PABPC4L: variants seen among roughly 807,000 people sequenced by gnomAD.
PABPC4L encodes the protein poly(A) binding protein cytoplasmic 4 like.
For missense variants in PABPC4L, 452 were observed against 451.4 expected, an observed-to-expected ratio of 1.00 and a Z score of -0.01; for synonymous variants, 169 against 164.1, an observed-to-expected ratio of 1.03 and a Z score of -0.23.
chr4:134,188,912 T>C, the PABPC4L span, among the ~76,000 whole-genome samples: 20 of 152,044 alleles, frequency 1.3e-4, no homozygotes, highest in Non-Finnish European at 7.4e-5. Flanking sequence ...TCTTTCTTCT[T>C]CATTTAATAT....
chr4:134,117,345 G>A, the PABPC4L span, among the ~76,000 whole-genome samples: 1 of 151,806 alleles, frequency 6.6e-6, no homozygotes, highest in African/African-American at 2.4e-5. Context: ...AGTACCTCAA[G>A]GAAGTCAAAA....
chr4:134,146,893 C>A, the PABPC4L span, among the ~76,000 whole-genome samples: 1 of 152,038 alleles, frequency 6.6e-6, no homozygotes, highest in African/African-American at 2.4e-5. Flanking sequence ...GTATCTGGAA[C>A]TGGCACCTCA....
the PABPC4L span, among the ~76,000 whole-genome samples, chr4:134,036,873 T>C: frequency 1.3e-5 from 2 of 151,932 alleles, no homozygotes; most frequent in South Asian, 2.1e-4. Context: ...CTGGCCAACA[T>C]GGTGAAACAT....
chr4:134,166,621 A>G, the PABPC4L span, among the ~76,000 whole-genome samples: 2 of 152,282 alleles, frequency 1.3e-5, no homozygotes, highest in East Asian at 3.9e-4. Context: ...TGCTCACAGG[A>G]GGCGGCAGAT....
chr4:133,962,003 C>A, the PABPC4L span, among the ~76,000 whole-genome samples: 1 of 152,294 alleles, frequency 6.6e-6, no homozygotes, highest in Non-Finnish European at 1.5e-5. Context: ...ATCTTGGAAG[C>A]AGCCTGCCAC....
At chr4:134,004,534 G>A in the PABPC4L span, among the ~76,000 whole-genome samples, 1 of 151,854 alleles carries the variant, frequency 6.6e-6, no homozygotes, top group Non-Finnish European at 1.5e-5. Context: ...GGAGTGTAAA[G>A]TAGTACAGCC....
the PABPC4L span, among the ~76,000 whole-genome samples, chr4:134,132,685 T>C: frequency 6.6e-6 from 1 of 151,686 alleles, no homozygotes; most frequent in African/African-American, 2.4e-5. Context: ...GATCTACCAG[T>C]TGATCCAGCA....
the PABPC4L span, among the ~76,000 whole-genome samples, chr4:134,174,070 A>T: frequency 2.6e-5 from 4 of 151,902 alleles, no homozygotes; most frequent in African/African-American, 9.7e-5. Context: ...AAAACATTTT[A>T]TTTTTCTTTT....
At chr4:134,031,151 A>G in the PABPC4L span, among the ~76,000 whole-genome samples, 1 of 152,116 alleles carries the variant, frequency 6.6e-6, no homozygotes, top group East Asian at 1.9e-4. Context: ...GTTCTCCTAG[A>G]TATCCATGTG....
the PABPC4L span, among the ~76,000 whole-genome samples, chr4:134,145,831 C>T: frequency 6.6e-6 from 1 of 151,944 alleles, no homozygotes; most frequent in African/African-American, 2.4e-5. Context: ...ATTCATTACA[C>T]CCACTATATC....
At chr4:134,143,642 T>C in the PABPC4L span, among the ~76,000 whole-genome samples, 1 of 151,150 alleles carries the variant, frequency 6.6e-6, no homozygotes, top group Non-Finnish European at 1.5e-5. Context: ...TAAAGTAAAT[T>C]GAAATAAAAT....
At chr4:134,156,102 G>A in the PABPC4L span, among the ~76,000 whole-genome samples, 571 of 152,006 alleles carry the variant, frequency 3.8e-3, 2 homozygotes, top group African/African-American at 0.013. Flanking sequence ...CAAAGAGAAT[G>A]TATGTCATTA....
At chr4:134,005,212 T>C in the PABPC4L span, among the ~76,000 whole-genome samples, 1 of 151,892 alleles carries the variant, frequency 6.6e-6, no homozygotes, top group East Asian at 1.9e-4. Flanking sequence ...ACACCATAAA[T>C]ATGTTTGATT....
the PABPC4L span, among the ~76,000 whole-genome samples, chr4:134,124,114 C>G: frequency 6.6e-6 from 1 of 152,050 alleles, no homozygotes; most frequent in Non-Finnish European, 1.5e-5. Context: ...TTAACTAAAT[C>G]ATGGGAAGAG....
At chr4:134,091,190 T>C in the PABPC4L span, among the ~76,000 whole-genome samples, 3 of 152,058 alleles carry the variant, frequency 2.0e-5, no homozygotes, top group Non-Finnish European at 4.4e-5. Context: ...CTTTCAGGGT[T>C]TTTAAAAAGT....
chr4:133,957,088 C>T, the PABPC4L span, among the ~76,000 whole-genome samples: 1 of 152,152 alleles, frequency 6.6e-6, no homozygotes, highest in African/African-American at 2.4e-5. Flanking sequence ...ACAACAGCCC[C>T]CAAATGCTTA....
chr4:134,075,495 A>T, the PABPC4L span, among the ~76,000 whole-genome samples: 3 of 152,176 alleles, frequency 2.0e-5, no homozygotes. Context: ...GTTCTTACTT[A>T]TTGAGTAATG....
the PABPC4L span, among the ~76,000 whole-genome samples, chr4:134,029,441 T>C: frequency 6.6e-6 from 1 of 151,960 alleles, no homozygotes; most frequent in African/African-American, 2.4e-5. Flanking sequence ...ACATATTTCC[T>C]GCCATGAAAA....
At chr4:133,948,520 C>T in the PABPC4L span, among the ~76,000 whole-genome samples, 2 of 152,168 alleles carry the variant, frequency 1.3e-5, no homozygotes, top group African/African-American at 2.4e-5. Context: ...AGAACTATGT[C>T]CCCTGCCTAG....
Sources: allele counts gnomAD v4.1 joint callset (sites outside exome capture counted in the v4.1 genomes callset), GRCh38; gene constraint gnomAD v4.1.1; transcripts MANE v1.5; gene names NCBI Gene and HGNC (gene_info 2026-07-23, HGNC 2026-07-21).